Variants in CCNY observed in about 807,000 individuals in gnomAD.
CCNY encodes the protein cyclin Y, also known as cyclin-Y.
A neutral mutation model predicts 42.8 loss-of-function variants in CCNY; 19 were observed. The ratio of observed to expected loss-of-function variants is 0.44; its 90% CI spans 0.31 to 0.65. The LOEUF (loss-of-function observed/expected upper bound fraction) is 0.65. CCNY is among the 30% of genes least tolerant of loss of function. The probability of loss-of-function intolerance (pLI) is 0.07; values close to 1 mark genes in which losing one functional copy is unlikely to be tolerated. For synonymous variants in CCNY, 165 were observed against 162.7 expected, an observed-to-expected ratio of 1.01 and a Z score of -0.11; for missense variants, 370 against 437.3, an observed-to-expected ratio of 0.85 and a Z score of 1.37.
intron 3 of CCNY, among the ~76,000 whole-genome samples, chr10:35,282,966 G>A (rs1485042742): frequency 1.3e-5 from 2 of 152,110 alleles, no homozygotes; most frequent in Admixed American, 6.6e-5. Context: ...TGTGTTCCAC[G>A]TCTGTATTCC....
At chr10:35,365,235 A>G (rs953138400) in intron 1 of CCNY, among the ~76,000 whole-genome samples, 2 of 152,214 alleles carry the variant, frequency 1.3e-5, no homozygotes, top group Admixed American at 1.3e-4. Context: ...TTGAAATTGA[A>G]AGAAAGCAAG....
chr10:35,376,295 A>G (rs566866670), intron 1 of CCNY, among the ~76,000 whole-genome samples: 7 of 152,272 alleles, frequency 4.6e-5, no homozygotes, highest in Non-Finnish European at 1.0e-4. Flanking sequence ...CGTATGACGC[A>G]GCAGTGCCAC....
intron 1 of CCNY, among the ~76,000 whole-genome samples, chr10:35,406,891 C>T (rs1000676574): frequency 8.6e-5 from 13 of 151,850 alleles, no homozygotes; most frequent in Admixed American, 4.6e-4. Context: ...CCCGTCGGGG[C>T]GGCCGGCCAG....
At chr10:35,347,123 T>C (rs74722079) in intron 1 of CCNY, among the ~76,000 whole-genome samples, 3,257 of 152,324 alleles carry the variant, frequency 0.021, 106 homozygotes, top group African/African-American at 0.065. Context: ...GCAGACACAT[T>C]ATCCCTTATT....
intron 1 of CCNY, among the ~76,000 whole-genome samples, chr10:35,445,056 G>A (rs1232476540): frequency 6.6e-6 from 1 of 152,192 alleles, no homozygotes; most frequent in Non-Finnish European, 1.5e-5. Flanking sequence ...GGAAAGAAGA[G>A]CATGTTTTGG....
At chr10:35,476,496 C>G (rs1839513374) in intron 1 of CCNY, among the ~76,000 whole-genome samples, 2 of 152,130 alleles carry the variant, frequency 1.3e-5, no homozygotes, top group South Asian at 4.1e-4. Flanking sequence ...CAGAACTGTT[C>G]AACTACATGG....
chr10:35,501,746 C>G (rs1240683702), intron 3 of CCNY: 2 of 505,796 alleles, frequency 4.0e-6, no homozygotes, highest in Non-Finnish European at 3.6e-6. Flanking sequence ...AGCCCTAGAC[C>G]ACTATTGTTC....
chr10:35,520,516 T>C (rs16936102), intron 4 of CCNY, among the ~76,000 whole-genome samples: 9,321 of 152,182 alleles, frequency 0.061, 883 homozygotes, highest in African/African-American at 0.2. Context: ...AGAGTTGCTA[T>C]CTGAAATCCA....
At chr10:35,417,562 T>G (rs968595432) in intron 1 of CCNY, among the ~76,000 whole-genome samples, 1 of 152,230 alleles carries the variant, frequency 6.6e-6, no homozygotes, top group Non-Finnish European at 1.5e-5. Flanking sequence ...AGGGGAAGGT[T>G]AAAACAAAAC....
chr10:35,324,460 T>C (rs999444860), intron 3 of CCNY, among the ~76,000 whole-genome samples: 4 of 152,260 alleles, frequency 2.6e-5, no homozygotes, highest in Non-Finnish European at 4.4e-5. Context: ...AAAGTATTTG[T>C]ACAAACCCTT....
intron 1 of CCNY, among the ~76,000 whole-genome samples, chr10:35,443,339 C>T (rs548998999): frequency 6.1e-4 from 93 of 152,316 alleles, no homozygotes; most frequent in African/African-American, 2.2e-3. Context: ...TTTGAAATAA[C>T]AGTTATAACA....
rs545980926 is a variant in CCNY, at chr10:35,349,121, C to T, written c.154+11914C>T. Among the ~76,000 whole-genome samples, 3 of 152,184 alleles carry T rather than the reference C, an allele frequency of 2.0e-5. No homozygotes were observed. In the East Asian group the frequency reaches 5.8e-4, roughly 29 times the overall value. ...CACAGGGTGGACGGTGGGACTTGAG[C>T]GTGCTTGGGTTTTGGTATCTGCAGG... is the stretch of plus-strand genomic sequence containing the variant. On this transcript the variant is annotated intron_variant, in intron 1 of 9. Transcript: ENST00000374704.
chr10:35,460,457 C>T (rs1564419671), intron 1 of CCNY, among the ~76,000 whole-genome samples: 1 of 152,082 alleles, frequency 6.6e-6, no homozygotes, highest in African/African-American at 2.4e-5. Flanking sequence ...TATGTACACA[C>T]ACACACACAC....
At chr10:35,394,516 G>A (rs934329833) in intron 1 of CCNY, among the ~76,000 whole-genome samples, 1 of 152,140 alleles carries the variant, frequency 6.6e-6, no homozygotes, top group Non-Finnish European at 1.5e-5. Context: ...AGGTTGATTG[G>A]CTTAAGATCC....
At chr10:35,469,475 A>G (rs1589140742) in intron 1 of CCNY, among the ~76,000 whole-genome samples, 1 of 152,342 alleles carries the variant, frequency 6.6e-6, no homozygotes, top group East Asian at 1.9e-4. Flanking sequence ...GAAAACGGAA[A>G]CAGTTATAGC....
rs1014836264 is a variant in CCNY at position 35,553,065 on chromosome 10, C to T, written c.626C>T (p.Pro209Leu). 12 of 1,614,026 alleles carry T rather than the reference C, an allele frequency of 7.4e-6. No homozygotes were observed. The highest frequency in any genetic ancestry group is 1.7e-5 in the Admixed American group (1 of 60,004). ...LLTYAEIDIC[P>L]ANWKRIVLGA... ...ACATACGCAGAGATAGATATCTGTC[C>T]GGCCAACTGGAAGCGGATTGTTTTA... The change falls in exon 8 of 10, where the codon CCG (proline) becomes CTG (leucine). Residue 209 changes from proline to leucine, a missense_variant. Coordinates refer to ENST00000374704, the MANE Select transcript of CCNY (RefSeq NM_145012.6).
At chr10:35,368,362 A>G (rs774214267) in intron 1 of CCNY, among the ~76,000 whole-genome samples, 41 of 152,310 alleles carry the variant, frequency 2.7e-4, no homozygotes, top group Admixed American at 2.0e-3. Context: ...ATCTTTTTCT[A>G]ATTTGCAGAG....
At chr10:35,456,579 A>G (rs1293752943) in intron 1 of CCNY, among the ~76,000 whole-genome samples, 1 of 152,156 alleles carries the variant, frequency 6.6e-6, no homozygotes, top group East Asian at 1.9e-4. Context: ...GACAGACTTG[A>G]TTAAATTCAG....
chr10:35,253,828 T>A (rs2095713613), intron 3 of CCNY, among the ~76,000 whole-genome samples: 1 of 151,708 alleles, frequency 6.6e-6, no homozygotes, highest in Non-Finnish European at 1.5e-5. Flanking sequence ...TGTTTTAAAA[T>A]TGGCTATTGA....
Sources: allele counts gnomAD v4.1 joint callset (sites outside exome capture counted in the v4.1 genomes callset), GRCh38; gene constraint gnomAD v4.1.1; transcripts MANE v1.5; gene names NCBI Gene and HGNC (gene_info 2026-07-23, HGNC 2026-07-21).